Variants in FAM78B observed in about 807,000 individuals in gnomAD.
FAM78B encodes the protein protein FAM78B.
A neutral mutation model predicts 20.0 loss-of-function variants in FAM78B; 10 were observed. The ratio of observed to expected loss-of-function variants is 0.50; its 90% CI spans 0.31 to 0.85. The LOEUF is 0.85. Ranked by LOEUF, FAM78B falls within the 40% of genes least tolerant of loss-of-function variation. FAM78B has a pLI of 0.05. For missense variants in FAM78B, 283 were observed against 345.0 expected, an observed-to-expected ratio of 0.82 and a Z score of 1.42; for synonymous variants, 135 against 132.8, an observed-to-expected ratio of 1.02 and a Z score of -0.12.
intron 2 of FAM78B, among the ~76,000 whole-genome samples, chr1:166,062,333 G>C (rs1651629989): frequency 6.6e-6 from 1 of 152,168 alleles, no homozygotes; most frequent in Non-Finnish European, 1.5e-5. Flanking sequence ...AAGCAGGCTT[G>C]GAAAGATCTA....
At chr1:166,140,396 T>C (rs1471699335) in intron 1 of FAM78B, among the ~76,000 whole-genome samples, 2 of 152,200 alleles carry the variant, frequency 1.3e-5, no homozygotes, top group Non-Finnish European at 2.9e-5. Context: ...CCAGATATTG[T>C]TGGGGGCCAG....
rs570039336 is a variant in FAM78B, at chr1:166,120,624, G to A, written c.263+45362C>T. On this transcript the variant is annotated intron_variant, in intron 1 of 1. Coordinates refer to ENST00000354422, the MANE Select transcript of FAM78B (RefSeq NM_001017961.5). The stretch of plus-strand genomic sequence containing the variant: ...CAACAGTGCTCATTTGGATAACAGG[G>A]GTCCTAAAGAGGGGTCCCTGCGGAC... Among the ~76,000 whole-genome samples, 4 of 152,292 alleles carry A rather than the reference G, an allele frequency of 2.6e-5. No individual in the cohort carries two copies. The South Asian group carries it at 8.3e-4, about 32-fold the overall frequency.
chr1:166,137,968 A>G (rs1398059135), intron 1 of FAM78B, among the ~76,000 whole-genome samples: 1 of 152,342 alleles, frequency 6.6e-6, no homozygotes, highest in East Asian at 1.9e-4. Context: ...AGAACAGAGC[A>G]GGTGGCTGGA....
chr1:166,091,088 G>A (rs1347261610), intron 1 of FAM78B, among the ~76,000 whole-genome samples: 7 of 152,200 alleles, frequency 4.6e-5, no homozygotes, highest in African/African-American at 1.4e-4. Context: ...GAGCAGCAGA[G>A]GAGGAAGCAG....
intron 1 of FAM78B, among the ~76,000 whole-genome samples, chr1:166,140,117 A>G (rs1655223558): frequency 6.6e-6 from 1 of 152,242 alleles, no homozygotes; most frequent in South Asian, 2.1e-4. Flanking sequence ...CTTCTAAGGA[A>G]TAAGATGGCC....
chr1:166,103,237 C>G (rs954004697), intron 1 of FAM78B, among the ~76,000 whole-genome samples: 8 of 152,094 alleles, frequency 5.3e-5, no homozygotes, highest in Non-Finnish European at 1.2e-4. Flanking sequence ...CACTAAAGCC[C>G]ACAAGAGAAA....
At chr1:166,114,252 C>A (rs948585194) in intron 1 of FAM78B, among the ~76,000 whole-genome samples, 2 of 152,166 alleles carry the variant, frequency 1.3e-5, no homozygotes, top group African/African-American at 4.8e-5. Context: ...AGAACATAGT[C>A]TAATGCCCAT....
intron 1 of FAM78B, among the ~76,000 whole-genome samples, chr1:166,163,174 G>A (rs1310350212): frequency 2.6e-5 from 4 of 152,156 alleles, no homozygotes; most frequent in Non-Finnish European, 5.9e-5. Flanking sequence ...CCTCCCCGAG[G>A]GATGAAGACT....
Position 166,166,482 on chromosome 1 carries a change from G to A in FAM78B, c.-234C>T, listed in dbSNP as rs1299597607. 2 of 177,230 alleles carry A rather than the reference G, an allele frequency of 1.1e-5. No individual in the cohort carries two copies. Among genetic ancestry groups the A allele is most frequent in the East Asian group, 3.6e-4 (2 of 5,482 alleles). The allele number at this position is 177,230 out of a possible 1,614,324, so 11.0% of individuals were successfully genotyped here. On this transcript the variant is annotated 5_prime_UTR_variant, in exon 1 of 2. Coordinates refer to ENST00000354422, the MANE Select transcript of FAM78B (RefSeq NM_001017961.5). Reference sequence around the variant, plus strand: ...CCACGCCCGCCCCCTCGCTCCGGCAGGGCGCGCGGAGGGTGCACTCCTAGG... The same window carrying A: ...CCACGCCCGCCCCCTCGCTCCGGCAAGGCGCGCGGAGGGTGCACTCCTAGG...
chr1:166,061,035 G>T (rs1424202844), intron 2 of FAM78B, among the ~76,000 whole-genome samples: 1 of 152,166 alleles, frequency 6.6e-6, no homozygotes, highest in African/African-American at 2.4e-5. Context: ...AAGAATCACT[G>T]AGTGACCAGA....
chr1:166,113,605 C>A (rs1654143091), intron 1 of FAM78B, among the ~76,000 whole-genome samples: 1 of 152,204 alleles, frequency 6.6e-6, no homozygotes, highest in Admixed American at 6.5e-5. Context: ...GTTAAGGAAT[C>A]CTGAAAATTC....
In FAM78B at chr1:166,146,894, C is replaced by T. The variant is rs554894354; in HGVS notation, c.263+19092G>A. Reference sequence around the variant, plus strand: ...TTCACTTCCCTCTGTATTGAATGTGCAGGCTTGGTTCACCACTTTGTGAGA... The same window carrying T: ...TTCACTTCCCTCTGTATTGAATGTGTAGGCTTGGTTCACCACTTTGTGAGA... On this transcript the variant is annotated intron_variant, in intron 1 of 1. Transcript: ENST00000354422. 9.8e-5 allele frequency among the ~76,000 whole-genome samples: 15 copies of T among 152,286 alleles called. No individual in the cohort carries two copies. In the South Asian group the frequency reaches 3.1e-3, roughly 32 times the overall value.
rs76312621 is a variant in FAM78B at position 166,121,749 on chromosome 1, G to A, written c.263+44237C>T. ...CTATGAGGTAGGTACTATTACTACC[G>A]TCATTCTATAGATGAGGAACCTGAG... On this transcript the variant is annotated intron_variant, in intron 1 of 1. Coordinates refer to ENST00000354422, the MANE Select transcript of FAM78B (RefSeq NM_001017961.5). 2.3e-3 allele frequency among the ~76,000 whole-genome samples: 346 copies of A among 152,232 alleles called. 1 individual carries two copies. The highest frequency in any genetic ancestry group is 7.3e-3 in the African/African-American group (303 of 41,526).
downstream of FAM78B, among the ~76,000 whole-genome samples, chr1:166,056,520 C>T (rs1651350388): frequency 1.3e-5 from 2 of 152,260 alleles, no homozygotes; most frequent in South Asian, 4.1e-4. Context: ...CCCTGCAGTT[C>T]CCACTCTTGC....
intron 1 of FAM78B, among the ~76,000 whole-genome samples, chr1:166,162,230 C>G (rs1442283801): frequency 6.6e-6 from 1 of 152,176 alleles, no homozygotes; most frequent in African/African-American, 2.4e-5. Flanking sequence ...CTAAACTGAA[C>G]AGGCAACAGA....
At chr1:166,125,593 T>C (rs1354861448) in intron 1 of FAM78B, among the ~76,000 whole-genome samples, 1 of 152,170 alleles carries the variant, frequency 6.6e-6, no homozygotes, top group Admixed American at 6.5e-5. Context: ...ATTGTTCCTC[T>C]CTGTCTGTGG....
chr1:166,101,073 G>A (rs1477445989), intron 1 of FAM78B, among the ~76,000 whole-genome samples: 8 of 152,222 alleles, frequency 5.3e-5, no homozygotes, highest in African/African-American at 1.4e-4. Flanking sequence ...CTGATACCCA[G>A]GCAAACAGGG....
intron 1 of FAM78B, among the ~76,000 whole-genome samples, chr1:166,156,826 C>T (rs1325395262): frequency 2.0e-5 from 3 of 152,042 alleles, no homozygotes; most frequent in Non-Finnish European, 4.4e-5. Flanking sequence ...CTTGGACAAA[C>T]TGTAGCTCCT....
chr1:166,100,267 G>A (rs1173368887), intron 1 of FAM78B, among the ~76,000 whole-genome samples: 1 of 152,204 alleles, frequency 6.6e-6, no homozygotes, highest in African/African-American at 2.4e-5. Flanking sequence ...CAGCAGGAGC[G>A]ATGCAGAAGA....
Sources: gnomAD v4.1 joint callset for allele counts (sites outside exome capture counted in the v4.1 genomes callset) on GRCh38, gnomAD v4.1.1 for gene constraint, MANE v1.5 for transcripts, NCBI Gene and HGNC (gene_info 2026-07-23, HGNC 2026-07-21) for gene names.